The following INSYN2A variants were observed in gnomAD, a reference collection of about 807,000 sequenced individuals.
INSYN2A encodes inhibitory synaptic factor 2A, also known as family with sequence similarity 196 member A.
In INSYN2A, 17 loss-of-function variants were observed where a neutral mutation model predicts 39.4. That is an observed-to-expected ratio of 0.43 (90% CI 0.30 to 0.65). INSYN2A has a LOEUF of 0.65. Ranked by LOEUF, INSYN2A falls within the 30% of genes least tolerant of loss-of-function variation. The probability of loss-of-function intolerance (pLI) is 0.14; values close to 1 mark genes in which losing one functional copy is unlikely to be tolerated. For synonymous variants in INSYN2A, 255 were observed against 265.7 expected, an observed-to-expected ratio of 0.96 and a Z score of 0.39; for missense variants, 595 against 631.2, an observed-to-expected ratio of 0.94 and a Z score of 0.61.
intron 1 of INSYN2A, among the ~76,000 whole-genome samples, chr10:127,194,262 C>T (rs2056945040): frequency 6.6e-6 from 1 of 152,172 alleles, no homozygotes; most frequent in East Asian, 1.9e-4. Flanking sequence ...CCAAATGCGC[C>T]TCTAATAAAA....
chr10:127,139,394 T>TA lies in INSYN2A; in HGVS notation c.1257-1375dup, dbSNP rs537541750. Among the ~76,000 whole-genome samples the TA allele has an allele frequency of 1.7e-3, 256 of 148,428 alleles. 3 individuals are homozygous for TA. The South Asian group carries it at 0.045, about 26-fold the overall frequency. ...GTGACTCTAATATTACTCAAAAAAT[T>TA]AAAAAAAAAAATTGCCAGAGAAGTT... is the stretch of plus-strand genomic sequence containing the variant. On this transcript the variant is annotated intron_variant, in intron 5 of 5. Coordinates refer to ENST00000522781, the MANE Select transcript of INSYN2A (RefSeq NM_001039762.3).
rs532423571 is a variant in INSYN2A at position 127,138,055 on chromosome 10, G to C, written c.1257-35C>G. 3.9e-6 allele frequency: 6 copies of C among 1,554,560 alleles called. No homozygotes were observed. The African/African-American group carries it at 5.5e-5, about 14-fold the overall frequency. On this transcript the variant is annotated intron_variant, in intron 5 of 5. Transcript: ENST00000522781. Reference sequence around the variant, plus strand: ...AGAGAGAGTGAAGACTTTAGCATTTGATCTTTTCCATATGAAGATCCCTCT... The same window carrying C: ...AGAGAGAGTGAAGACTTTAGCATTTCATCTTTTCCATATGAAGATCCCTCT...
intron 5 of INSYN2A, among the ~76,000 whole-genome samples, chr10:127,152,097 G>A (rs1036097590): frequency 1.3e-5 from 2 of 152,110 alleles, no homozygotes; most frequent in South Asian, 4.1e-4. Context: ...TACCCTGGAT[G>A]TCTTGACTCA....
chr10:127,147,709 G>C (rs1371947794), intron 5 of INSYN2A, among the ~76,000 whole-genome samples: 1 of 151,996 alleles, frequency 6.6e-6, no homozygotes, highest in Non-Finnish European at 1.5e-5. Flanking sequence ...AAGGGCTAAG[G>C]CATTTTTATC....
At position 127,137,821 on chromosome 10, in the gene INSYN2A, C is replaced by G; in HGVS notation, c.*16G>C. On this transcript the variant is annotated 3_prime_UTR_variant, in exon 6 of 6. Transcript: ENST00000522781. The stretch of plus-strand genomic sequence containing the variant: ...GGGTTCTAAAGACGGCCTCGAGACT[C>G]CAGACACCGTGAGTGTTAAAGGAAC... 1 of 1,605,430 alleles carries G rather than the reference C, an allele frequency of 6.2e-7. No homozygotes were observed. Among genetic ancestry groups the G allele is most frequent in the Non-Finnish European group, 8.5e-7 (1 of 1,177,232 alleles).
At chr10:127,172,960 G>A (rs896157403) in intron 4 of INSYN2A, among the ~76,000 whole-genome samples, 3 of 152,188 alleles carry the variant, frequency 2.0e-5, no homozygotes, top group South Asian at 4.1e-4. Flanking sequence ...TTGTCATTGA[G>A]TTTGAATTTC....
intron 2 of INSYN2A, among the ~76,000 whole-genome samples, chr10:127,177,530 C>T (rs373014652): frequency 4.6e-5 from 7 of 152,208 alleles, no homozygotes; most frequent in Non-Finnish European, 8.8e-5. Context: ...AACAGTCAAA[C>T]GGAAGGCACT....
In INSYN2A at chr10:127,154,006, C is replaced by T. The variant is rs558447875; in HGVS notation, c.1185-83G>A. On this transcript the variant is annotated intron_variant, in intron 4 of 5. Transcript: ENST00000522781. The stretch of plus-strand genomic sequence containing the variant: ...AGAGCAGATGCCTCAAATCAAATGC[C>T]TTCCCAATGCCAAGCTCATCATGGT... 8 of 876,762 alleles carry T rather than the reference C, an allele frequency of 9.1e-6. No individual in the cohort carries two copies. In the South Asian group the frequency reaches 1.1e-4, roughly 12 times the overall value. 54.3% of individuals were successfully genotyped at this position (876,762 alleles called of 1,614,324 possible).
At chr10:127,150,328 A>G (rs186519468) in intron 5 of INSYN2A, among the ~76,000 whole-genome samples, 19 of 151,998 alleles carry the variant, frequency 1.3e-4, no homozygotes, top group Admixed American at 8.5e-4. Flanking sequence ...CTCAATCCCC[A>G]TTGCTCACCC....
chr10:127,138,438 G>C (rs1355132726), intron 5 of INSYN2A, among the ~76,000 whole-genome samples: 1 of 152,112 alleles, frequency 6.6e-6, no homozygotes, highest in Non-Finnish European at 1.5e-5. Context: ...GTCCGTTCCT[G>C]TGCAATGTAT....
chr10:127,154,532 A>T (rs1370553338), intron 4 of INSYN2A, among the ~76,000 whole-genome samples: 2 of 152,262 alleles, frequency 1.3e-5, no homozygotes, highest in African/African-American at 4.8e-5. Context: ...TTTTATGAAA[A>T]TACCTATTTC....
chr10:127,166,693 T>G (rs1363833800), intron 4 of INSYN2A, among the ~76,000 whole-genome samples: 1 of 152,210 alleles, frequency 6.6e-6, no homozygotes, highest in Non-Finnish European at 1.5e-5. Flanking sequence ...CAGTGGGAAA[T>G]AGAGCTCAAA....
intron 5 of INSYN2A, among the ~76,000 whole-genome samples, chr10:127,142,587 A>G (rs2133311637): frequency 6.6e-6 from 1 of 152,294 alleles, no homozygotes; most frequent in South Asian, 2.1e-4. Context: ...ACCTGAGTCA[A>G]ACACAGGCTG....
intron 5 of INSYN2A, among the ~76,000 whole-genome samples, chr10:127,149,795 A>G (rs995949497): frequency 1.3e-5 from 2 of 152,144 alleles, no homozygotes; most frequent in African/African-American, 4.8e-5. Flanking sequence ...ACATTTTAAG[A>G]TTTATTTTGA....
intron 1 of INSYN2A, among the ~76,000 whole-genome samples, chr10:127,193,276 A>G (rs1251027822): frequency 6.6e-6 from 1 of 152,118 alleles, no homozygotes; most frequent in South Asian, 2.1e-4. Flanking sequence ...GGGAGTTTTT[A>G]TGACCTCACA....
At chr10:127,151,259 A>T (rs2052459531) in intron 5 of INSYN2A, among the ~76,000 whole-genome samples, 1 of 152,150 alleles carries the variant, frequency 6.6e-6, no homozygotes, top group Admixed American at 6.5e-5. Flanking sequence ...TGCAGTCTTT[A>T]TTTGAATACT....
intron 2 of INSYN2A, among the ~76,000 whole-genome samples, chr10:127,178,890 G>C (rs548193711): frequency 6.6e-6 from 1 of 152,272 alleles, no homozygotes; most frequent in South Asian, 2.1e-4. Flanking sequence ...AGACAGCTTG[G>C]TGTGGGGGAC....
chr10:127,175,105 C>T lies in INSYN2A; in HGVS notation c.1184+107G>A, dbSNP rs919893469. The T allele has an allele frequency of 7.7e-5, 76 of 990,086 alleles. No homozygotes were observed. The highest frequency in any genetic ancestry group is 2.3e-4 in the African/African-American group (14 of 61,600). The allele number at this position is 990,086 out of a possible 1,614,324, so 61.3% of individuals were successfully genotyped here. A position where few individuals can be genotyped will look rare whatever the true frequency, so the allele number is the denominator to read the frequency against. ...ACGCCCTTAGACTATGACCTGTTTACGGAAATGCTGGCTTTAGTCTCATTA... is the reference window on the plus strand; with the variant it reads ...ACGCCCTTAGACTATGACCTGTTTATGGAAATGCTGGCTTTAGTCTCATTA... On this transcript the variant is annotated intron_variant, in intron 4 of 5. Transcript: ENST00000522781. This position sits in a 1 kb window ranked among gnomAD's most constrained non-coding sequence, Gnocchi z 6.3.
At chr10:127,157,459 T>C (rs952709380) in intron 4 of INSYN2A, among the ~76,000 whole-genome samples, 5 of 152,362 alleles carry the variant, frequency 3.3e-5, no homozygotes, top group Non-Finnish European at 7.3e-5. Flanking sequence ...TTATAGGTGG[T>C]TGAATGACAT....
Sources: gnomAD v4.1 joint callset for allele counts (sites outside exome capture counted in the v4.1 genomes callset) on GRCh38, gnomAD v4.1.1 for gene constraint, Gnocchi (gnomAD v3.1) non-coding constraint, MANE v1.5 for transcripts, NCBI Gene and HGNC (gene_info 2026-07-23, HGNC 2026-07-21) for gene names.